Variants in TMCC1 observed in about 807,000 individuals in gnomAD.
TMCC1 encodes transmembrane and coiled-coil domains protein 1.
TMCC1 carries 15 observed loss-of-function variants against 52.4 expected under a neutral mutation model. The ratio of observed to expected loss-of-function variants is 0.29; its 90% CI spans 0.19 to 0.44. The LOEUF is 0.44. TMCC1 is among the 20% of genes least tolerant of loss of function. TMCC1 has a pLI of 1.00. For synonymous variants in TMCC1, 279 were observed against 301.9 expected, an observed-to-expected ratio of 0.92 and a Z score of 0.79; for missense variants, 503 against 806.0, an observed-to-expected ratio of 0.62 and a Z score of 4.55.
chr3:129,676,912 T>C (rs938266703), intron 4 of TMCC1, among the ~76,000 whole-genome samples: 1 of 152,200 alleles, frequency 6.6e-6, no homozygotes, highest in African/African-American at 2.4e-5. Context: ...CTTCCATCAC[T>C]TAACCTGGCC....
intron 2 of TMCC1, among the ~76,000 whole-genome samples, chr3:129,861,520 C>T (rs1040626654): frequency 8.5e-5 from 13 of 152,140 alleles, no homozygotes; most frequent in Non-Finnish European, 1.8e-4. Context: ...TAAAACAAGA[C>T]TTTAAATATA....
intron 4 of TMCC1, among the ~76,000 whole-genome samples, chr3:129,804,089 A>T (rs2057334007): frequency 6.6e-6 from 1 of 152,210 alleles, no homozygotes; most frequent in Non-Finnish European, 1.5e-5. Context: ...TGTAGCAGTG[A>T]AAAATGAGAA....
Position 129,669,159 on chromosome 3 carries a change from A to T in TMCC1, c.1511+1171T>A, listed in dbSNP as rs565693071. Among the ~76,000 whole-genome samples the T allele has an allele frequency of 2.5e-3, 381 of 152,342 alleles. 2 individuals are homozygous for T. Among genetic ancestry groups the T allele is most frequent in the Non-Finnish European group, 2.9e-3 (195 of 68,040 alleles). ...TTCTTAGAGATAATTTATACATGTG[A>T]ACAATTTGTTTCAGACCCTAAGATT... is the stretch of plus-strand genomic sequence containing the variant. On this transcript the variant is annotated intron_variant, in intron 5 of 6. Transcript: ENST00000393238.
At chr3:129,653,909 C>T (rs1398659460) in intron 6 of TMCC1, among the ~76,000 whole-genome samples, 1 of 152,012 alleles carries the variant, frequency 6.6e-6, no homozygotes, top group African/African-American at 2.4e-5. Flanking sequence ...ACATAAAGTG[C>T]TAATACATTA....
chr3:129,891,866 T>G (rs2061978735), intron 1 of TMCC1, among the ~76,000 whole-genome samples: 1 of 152,346 alleles, frequency 6.6e-6, no homozygotes, highest in Middle Eastern at 3.4e-3. Flanking sequence ...TAAGCAGTCT[T>G]GCAGAAAAGG....
intron 4 of TMCC1, among the ~76,000 whole-genome samples, chr3:129,784,095 G>A (rs1297714380): frequency 1.3e-5 from 2 of 152,084 alleles, no homozygotes; most frequent in Non-Finnish European, 2.9e-5. Context: ...TATGGGAAGG[G>A]ATGGGAAAAA....
intron 4 of TMCC1, among the ~76,000 whole-genome samples, chr3:129,806,581 A>G (rs1034251931): frequency 2.6e-5 from 4 of 152,210 alleles, no homozygotes; most frequent in Non-Finnish European, 5.9e-5. Context: ...CCTCTCTCAA[A>G]TAGGAGAAGG....
intron 2 of TMCC1, among the ~76,000 whole-genome samples, chr3:129,840,271 G>A (rs767372673): frequency 7.6e-4 from 101 of 133,576 alleles, no homozygotes; most frequent in Non-Finnish European, 1.3e-3. Context: ...AGGCTGCAAT[G>A]AGCCATGATC....
At chr3:129,703,214 T>C (rs1228856279) in intron 4 of TMCC1, among the ~76,000 whole-genome samples, 1 of 152,202 alleles carries the variant, frequency 6.6e-6, no homozygotes, top group Admixed American at 6.5e-5. Flanking sequence ...AGAATAGCCA[T>C]CTGACTCGAA....
intron 2 of TMCC1, among the ~76,000 whole-genome samples, chr3:129,862,062 AAATGT>A (rs2060421637): frequency 6.6e-6 from 1 of 152,240 alleles, no homozygotes; most frequent in South Asian, 2.1e-4. Context: ...TGCTACAACA[AAATGT>A]ATAAATGTTG....
chr3:129,651,329 G>A lies in TMCC1; in HGVS notation c.*152C>T, dbSNP rs778237847. On this transcript the variant is annotated 3_prime_UTR_variant, in exon 7 of 7. Transcript: ENST00000393238. The surrounding 1 kb of genome is among the most constrained non-coding windows in gnomAD (Gnocchi z 5.1). ...ATCTAAAAAATACTATTGCAATTGC[G>A]TCTCTTGAAGAAAAAAACATTATTC... The A allele has an allele frequency of 4.5e-6, 4 of 884,314 alleles. No individual in the cohort carries two copies. Among genetic ancestry groups the A allele is most frequent in the South Asian group, 4.3e-5 (2 of 45,994 alleles). The allele number at this position is 884,314 out of a possible 1,614,324, so 54.8% of individuals were successfully genotyped here. A position where few individuals can be genotyped will look rare whatever the true frequency, so the allele number is the denominator to read the frequency against.
At chr3:129,796,021 T>A (rs2056797425) in intron 4 of TMCC1, among the ~76,000 whole-genome samples, 1 of 152,246 alleles carries the variant, frequency 6.6e-6, no homozygotes, top group South Asian at 2.1e-4. Flanking sequence ...TTAAACTTTA[T>A]CACAGATATG....
At chr3:129,689,657 T>G (rs1010628236) in intron 4 of TMCC1, among the ~76,000 whole-genome samples, 1 of 152,090 alleles carries the variant, frequency 6.6e-6, no homozygotes, top group Non-Finnish European at 1.5e-5. Context: ...TCAAAGAAGG[T>G]CTATCAGTAT....
intron 1 of TMCC1, among the ~76,000 whole-genome samples, chr3:129,892,030 G>A (rs2061988087): frequency 6.6e-6 from 1 of 152,090 alleles, no homozygotes. Flanking sequence ...CACTGTCAGC[G>A]GTCTGTGCTT....
intron 4 of TMCC1, among the ~76,000 whole-genome samples, chr3:129,781,848 TA>T (rs757873283): frequency 4.6e-5 from 7 of 152,066 alleles, no homozygotes; most frequent in Non-Finnish European, 8.8e-5. Context: ...AGGAGGTTAA[TA>T]CAATAAAACA....
At chr3:129,747,089 T>C (rs1217132224) in intron 4 of TMCC1, among the ~76,000 whole-genome samples, 1 of 152,220 alleles carries the variant, frequency 6.6e-6, no homozygotes, top group Non-Finnish European at 1.5e-5. Context: ...ATTCCTCATA[T>C]ATATGAAGAC....
chr3:129,873,285 A>G (rs1348143514), intron 2 of TMCC1, among the ~76,000 whole-genome samples: 2 of 152,012 alleles, frequency 1.3e-5, no homozygotes, highest in South Asian at 2.1e-4. Context: ...CAAGACTAAC[A>G]CTGGTTGTCT....
chr3:129,880,990 A>C (rs574218444), intron 1 of TMCC1, among the ~76,000 whole-genome samples: 1 of 151,718 alleles, frequency 6.6e-6, no homozygotes, highest in Non-Finnish European at 1.5e-5. Context: ...CATCCTCCCA[A>C]GTAGCTGGCA....
At chr3:129,794,209 C>T in intron 4 of TMCC1, 1 of 422,702 alleles carries the variant, frequency 2.4e-6, no homozygotes, top group Non-Finnish European at 4.7e-6. Context: ...CCTCCCTCAG[C>T]CCCTCCTTAG....
Sources: allele counts gnomAD v4.1 joint callset (sites outside exome capture counted in the v4.1 genomes callset), GRCh38; gene constraint gnomAD v4.1.1; non-coding constraint Gnocchi (gnomAD v3.1); transcripts MANE v1.5; gene names NCBI Gene and HGNC (gene_info 2026-07-23, HGNC 2026-07-21).